Variants in ERBB4 observed in about 807,000 individuals in gnomAD.
ERBB4 encodes erb-b2 receptor tyrosine kinase 4.
A neutral mutation model predicts 158.0 loss-of-function variants in ERBB4; 42 were observed. The observed-to-expected ratio is 0.27, with a 90% CI of 0.21 to 0.34. The LOEUF is 0.34. Among genes scored for constraint, ERBB4 ranks in the 10% least tolerant of loss-of-function variants. ERBB4 has a pLI of 1.00. For synonymous variants in ERBB4, 583 were observed against 558.7 expected, an observed-to-expected ratio of 1.04 and a Z score of -0.61; for missense variants, 1,333 against 1,624.1, an observed-to-expected ratio of 0.82 and a Z score of 3.08.
chr2:211,397,847 C>T lies in ERBB4; in HGVS notation c.3136-9855G>A, dbSNP rs1223573906. ...CCTCAATTATCTATACTTTTATTTT[C>T]TGCCCAGAAACATGCCTTTAGCCAG... On this transcript the variant is annotated intron_variant, in intron 25 of 27. Coordinates refer to ENST00000342788, the MANE Select transcript of ERBB4 (RefSeq NM_005235.3). 3.3e-5 allele frequency among the ~76,000 whole-genome samples: 5 copies of T among 152,182 alleles called. No individual in the cohort carries two copies. The East Asian group carries it at 9.6e-4, about 29-fold the overall frequency.
At chr2:211,479,332 G>A (rs2065029107) in intron 20 of ERBB4, among the ~76,000 whole-genome samples, 1 of 152,012 alleles carries the variant, frequency 6.6e-6, no homozygotes, top group Non-Finnish European at 1.5e-5. Flanking sequence ...CTATCCCTGG[G>A]TAATGCCTCC....
At position 211,727,915 on chromosome 2, in the gene ERBB4, G is replaced by A. The variant is rs141432339; in HGVS notation, c.623-2721C>T. On this transcript the variant is annotated intron_variant, in intron 5 of 27. Transcript: ENST00000342788. ...TTACCATAAGCTTATAGAAGATTTGGAAAATAATCAAATTTTTATATCTGG... is the reference window on the plus strand; with the variant it reads ...TTACCATAAGCTTATAGAAGATTTGAAAAATAATCAAATTTTTATATCTGG... 4.2e-3 allele frequency among the ~76,000 whole-genome samples: 637 copies of A among 151,942 alleles called. 2 individuals are homozygous for A. Among genetic ancestry groups the A allele is most frequent in the Non-Finnish European group, 8.0e-3 (540 of 67,800 alleles).
chr2:212,372,364 G>A lies in ERBB4; in HGVS notation c.82+166085C>T, dbSNP rs890136725. The stretch of plus-strand genomic sequence containing the variant: ...GCACATTTGATTTGATTCAAAATTA[G>A]GACCTCTATTGGCCTAAGACAATTA... On this transcript the variant is annotated intron_variant, in intron 1 of 27. Coordinates refer to ENST00000342788, the MANE Select transcript of ERBB4 (RefSeq NM_005235.3). Among the ~76,000 whole-genome samples, 5 of 152,042 alleles carry A rather than the reference G, an allele frequency of 3.3e-5. No homozygotes were observed. In the East Asian group the frequency reaches 5.8e-4, roughly 18 times the overall value.
chr2:211,590,519 G>C (rs943435328), intron 19 of ERBB4, among the ~76,000 whole-genome samples: 3 of 151,946 alleles, frequency 2.0e-5, no homozygotes, highest in Non-Finnish European at 4.4e-5. Flanking sequence ...ATCTGATCTT[G>C]TGACTCCCAT....
intron 19 of ERBB4, among the ~76,000 whole-genome samples, chr2:211,615,923 T>C (rs2069370201): frequency 6.6e-6 from 1 of 152,134 alleles, no homozygotes; most frequent in Non-Finnish European, 1.5e-5. Flanking sequence ...TTCCATTGTC[T>C]TTGAAAGCTT....
chr2:211,699,906 C>T (rs2073169001), intron 12 of ERBB4, among the ~76,000 whole-genome samples: 1 of 152,066 alleles, frequency 6.6e-6, no homozygotes, highest in Non-Finnish European at 1.5e-5. Context: ...CATCTTGCTT[C>T]CCTACATTTA....
At chr2:212,450,840 A>G (rs1574944077) in intron 1 of ERBB4, among the ~76,000 whole-genome samples, 1 of 151,362 alleles carries the variant, frequency 6.6e-6, no homozygotes, top group African/African-American at 2.4e-5. Context: ...AAAAAAAAAA[A>G]CAAGGCCAGG....
intron 5 of ERBB4, among the ~76,000 whole-genome samples, chr2:211,750,386 A>G (rs1239132464): frequency 2.0e-5 from 3 of 152,238 alleles, no homozygotes; most frequent in Non-Finnish European, 4.4e-5. Context: ...CTCTAAAGTT[A>G]TAGCTAATAT....
chr2:212,469,968 A>T (rs543310900), intron 1 of ERBB4, among the ~76,000 whole-genome samples: 1 of 152,232 alleles, frequency 6.6e-6, no homozygotes, highest in East Asian at 1.9e-4. Context: ...AGTTAAGTCA[A>T]ACTGAACTTT....
At chr2:212,166,475 T>C (rs564563910) in intron 1 of ERBB4, among the ~76,000 whole-genome samples, 1 of 151,806 alleles carries the variant, frequency 6.6e-6, no homozygotes, top group East Asian at 1.9e-4. Context: ...TCCTCATGGA[T>C]AGGAAGAATC....
At chr2:212,160,729 A>C (rs2081179078) in intron 1 of ERBB4, among the ~76,000 whole-genome samples, 1 of 151,972 alleles carries the variant, frequency 6.6e-6, no homozygotes, top group Admixed American at 6.6e-5. Context: ...CTCTTCATGA[A>C]TTCTGTTAAT....
At chr2:211,824,881 G>A (rs972253747) in intron 3 of ERBB4, among the ~76,000 whole-genome samples, 1 of 151,848 alleles carries the variant, frequency 6.6e-6, no homozygotes, top group African/African-American at 2.4e-5. Context: ...TTACCGGACT[G>A]TAATGAAGAA....
chr2:211,945,295 G>A (rs1465325179), intron 3 of ERBB4, among the ~76,000 whole-genome samples: 2 of 151,904 alleles, frequency 1.3e-5, no homozygotes, highest in Non-Finnish European at 2.9e-5. Context: ...TCTTACAATT[G>A]GAGTAACACT....
At chr2:212,147,186 T>TTTTTTTTTTGG (rs2080709099) in intron 1 of ERBB4, among the ~76,000 whole-genome samples, 1 of 138,574 alleles carries the variant, frequency 7.2e-6, no homozygotes, top group African/African-American at 2.7e-5. Context: ...TTTTTTTTTT[T>TTTTTTTTTTGG]GTAGAGATGG....
intron 1 of ERBB4, among the ~76,000 whole-genome samples, chr2:212,338,036 A>G (rs775514027): frequency 3.3e-5 from 5 of 152,148 alleles, no homozygotes; most frequent in Admixed American, 2.0e-4. Flanking sequence ...TGTCCAGGGC[A>G]GACTTTATGT....
intron 1 of ERBB4, among the ~76,000 whole-genome samples, chr2:212,209,462 T>C (rs553054010): frequency 2.0e-5 from 3 of 152,258 alleles, no homozygotes; most frequent in African/African-American, 7.2e-5. Context: ...GATATACTCC[T>C]GACATTCCAC....
At chr2:211,599,640 T>C (rs2068741523) in intron 19 of ERBB4, among the ~76,000 whole-genome samples, 1 of 151,978 alleles carries the variant, frequency 6.6e-6, no homozygotes, top group Non-Finnish European at 1.5e-5. Flanking sequence ...TTTATACCTC[T>C]ATAGTCTATG....
intron 1 of ERBB4, among the ~76,000 whole-genome samples, chr2:212,150,942 C>T (rs1376010437): frequency 6.6e-6 from 1 of 152,054 alleles, no homozygotes; most frequent in East Asian, 1.9e-4. Context: ...AACATAATGA[C>T]AGTAATACTG....
At chr2:211,833,909 T>C (rs1181556260) in intron 3 of ERBB4, among the ~76,000 whole-genome samples, 1 of 152,106 alleles carries the variant, frequency 6.6e-6, no homozygotes, top group Non-Finnish European at 1.5e-5. Flanking sequence ...ATCTGCCTGG[T>C]TGAACTGAAG....
Sources: gnomAD v4.1 joint callset for allele counts (sites outside exome capture counted in the v4.1 genomes callset) on GRCh38, gnomAD v4.1.1 for gene constraint, MANE v1.5 for transcripts, NCBI Gene and HGNC (gene_info 2026-07-23, HGNC 2026-07-21) for gene names.